Variants in NCKAP5 observed in about 807,000 individuals in gnomAD.
The protein encoded by NCKAP5 is nck-associated protein 5.
Under a neutral mutation model 167.0 loss-of-function variants are expected in NCKAP5, and 92 were observed. The ratio of observed to expected loss-of-function variants is 0.55; its 90% CI spans 0.47 to 0.66. NCKAP5 has a LOEUF of 0.66. Ranked by LOEUF, NCKAP5 falls within the 30% of genes least tolerant of loss-of-function variation. The probability of loss-of-function intolerance (pLI) is 0.00; values close to 1 mark genes in which losing one functional copy is unlikely to be tolerated. For synonymous variants in NCKAP5, 891 were observed against 877.4 expected, an observed-to-expected ratio of 1.02 and a Z score of -0.27; for missense variants, 2,378 against 2,315.0, an observed-to-expected ratio of 1.03 and a Z score of -0.56.
At chr2:133,499,810 G>A (rs1394564862) in intron 3 of NCKAP5, among the ~76,000 whole-genome samples, 4 of 152,060 alleles carry the variant, frequency 2.6e-5, no homozygotes, top group Non-Finnish European at 4.4e-5. Context: ...CGCCCACCTC[G>A]GCCTCCCAAA....
rs139222023 is a variant in NCKAP5 at position 133,372,329 on chromosome 2, C to T, written c.70-69219G>A. On this transcript the variant is annotated intron_variant, in intron 3 of 19. Coordinates refer to ENST00000409261, the MANE Select transcript of NCKAP5 (RefSeq NM_207363.3). ...TGTTGTGGAAAGACAGGTGGACCCA[C>T]TCTGGAAGCCCTCAAATGCTTGATT... Among the ~76,000 whole-genome samples the T allele has an allele frequency of 2.7e-3, 413 of 152,250 alleles. 1 individual carries two copies. Among genetic ancestry groups the T allele is most frequent in the African/African-American group, 9.6e-3 (400 of 41,542 alleles).
At chr2:132,851,585 C>G (rs2105484249) in intron 11 of NCKAP5, among the ~76,000 whole-genome samples, 1 of 152,276 alleles carries the variant, frequency 6.6e-6, no homozygotes, top group African/African-American at 2.4e-5. Flanking sequence ...CAGTTCTCTT[C>G]CCAAGGAGGC....
At chr2:132,714,372 T>C (rs1375001979) in intron 19 of NCKAP5, among the ~76,000 whole-genome samples, 1 of 152,204 alleles carries the variant, frequency 6.6e-6, no homozygotes. Flanking sequence ...ATTTAATACA[T>C]AATACTCAGA....
chr2:133,200,454 G>A (rs1466911739), intron 5 of NCKAP5, among the ~76,000 whole-genome samples: 1 of 151,938 alleles, frequency 6.6e-6, no homozygotes, highest in Non-Finnish European at 1.5e-5. Context: ...CATTCCTTAA[G>A]CCACACAAAA....
chr2:132,828,521 G>A (rs1330149237), intron 11 of NCKAP5, among the ~76,000 whole-genome samples: 2 of 152,066 alleles, frequency 1.3e-5, no homozygotes, highest in Non-Finnish European at 2.9e-5. Context: ...AGCTTCCTGA[G>A]GCCTCCCCAG....
intron 3 of NCKAP5, among the ~76,000 whole-genome samples, chr2:133,420,162 G>A (rs541079979): frequency 6.6e-6 from 1 of 152,304 alleles, no homozygotes; most frequent in Admixed American, 6.5e-5. Flanking sequence ...ACCCAAAAAT[G>A]TGTACATGAA....
intron 4 of NCKAP5, among the ~76,000 whole-genome samples, chr2:133,224,754 A>G (rs887944235): frequency 3.9e-5 from 6 of 152,168 alleles, no homozygotes; most frequent in African/African-American, 7.2e-5. Flanking sequence ...TCCTACCTAA[A>G]ATGTTTCTAA....
chr2:132,860,443 T>C, intron 11 of NCKAP5, 49 bp downstream of exon 11: 1 of 1,543,540 alleles, frequency 6.5e-7, no homozygotes, highest in African/African-American at 1.4e-5. Flanking sequence ...AGTAACTTCC[T>C]GTCAATAGCA....
At chr2:133,360,342 G>C (rs1361806180) in intron 3 of NCKAP5, among the ~76,000 whole-genome samples, 4 of 152,160 alleles carry the variant, frequency 2.6e-5, no homozygotes, top group Admixed American at 6.5e-5. Flanking sequence ...ATGTTTTCTA[G>C]GCAACTATTT....
intron 3 of NCKAP5, among the ~76,000 whole-genome samples, chr2:133,315,374 G>C (rs921583476): frequency 2.0e-5 from 3 of 152,146 alleles, no homozygotes; most frequent in African/African-American, 7.2e-5. Flanking sequence ...ATTTGATTTG[G>C]GGCCTGAGCA....
At chr2:132,702,044 G>T (rs1464034517) in intron 19 of NCKAP5, among the ~76,000 whole-genome samples, 1 of 152,114 alleles carries the variant, frequency 6.6e-6, no homozygotes, top group Admixed American at 6.6e-5. Context: ...GGTCTCACAT[G>T]GTCTCCAATT....
At chr2:132,720,839 T>C (rs1689846137) in intron 19 of NCKAP5, among the ~76,000 whole-genome samples, 1 of 151,586 alleles carries the variant, frequency 6.6e-6, no homozygotes, top group Non-Finnish European at 1.5e-5. Flanking sequence ...TGAAACTCCA[T>C]CTCTACCAAA....
At chr2:133,332,196 T>A (rs1682902642) in intron 3 of NCKAP5, among the ~76,000 whole-genome samples, 2 of 152,176 alleles carry the variant, frequency 1.3e-5, no homozygotes. Flanking sequence ...ATGGGCCCAA[T>A]ATAACATTTC....
At position 133,202,774 on chromosome 2, in the gene NCKAP5, C is replaced by A. The variant is rs187604335; in HGVS notation, c.207+10942G>T. On this transcript the variant is annotated intron_variant, in intron 5 of 19. Coordinates refer to ENST00000409261, the MANE Select transcript of NCKAP5 (RefSeq NM_207363.3). ...CAAAAGAAGACATTTATGCAGCCAA[C>A]AGACACATGAAAAAATGCTCATCAT... is the stretch of plus-strand genomic sequence containing the variant. Among the ~76,000 whole-genome samples the A allele has an allele frequency of 7.3e-4, 111 of 152,242 alleles. 1 individual carries two copies. In the East Asian group the frequency reaches 0.015, roughly 21 times the overall value.
intron 19 of NCKAP5, among the ~76,000 whole-genome samples, chr2:132,722,776 T>C (rs1040563532): frequency 1.3e-5 from 2 of 152,034 alleles, no homozygotes; most frequent in Non-Finnish European, 2.9e-5. Flanking sequence ...TGACCCTACG[T>C]TTTTTCCAGT....
chr2:132,912,807 C>T (rs112803306), intron 8 of NCKAP5, among the ~76,000 whole-genome samples: 2,167 of 152,248 alleles, frequency 0.014, 47 homozygotes, highest in Non-Finnish European at 0.018. Flanking sequence ...ATTGAGGCTT[C>T]CGTTTAAATC....
chr2:133,140,056 A>G (rs1423307434), intron 5 of NCKAP5, among the ~76,000 whole-genome samples: 8 of 152,132 alleles, frequency 5.3e-5, no homozygotes, highest in Admixed American at 3.3e-4. Flanking sequence ...CCTTTCATAA[A>G]AAGTCAATGA....
At chr2:133,523,681 T>C (rs970831849) in intron 2 of NCKAP5, among the ~76,000 whole-genome samples, 4 of 152,172 alleles carry the variant, frequency 2.6e-5, no homozygotes, top group African/African-American at 9.6e-5. Flanking sequence ...CAACAAACAA[T>C]GCAAAATATA....
chr2:132,874,103 ATTTTTTT>A (rs4057987), intron 9 of NCKAP5, among the ~76,000 whole-genome samples: 4 of 113,178 alleles, frequency 3.5e-5, no homozygotes, highest in Admixed American at 1.0e-4. Context: ...CAAGACCTTG[ATTTTTTT>A]TTTTTTTTTT....
Sources: allele counts gnomAD v4.1 joint callset (sites outside exome capture counted in the v4.1 genomes callset), GRCh38; gene constraint gnomAD v4.1.1; transcripts MANE v1.5; gene names NCBI Gene and HGNC (gene_info 2026-07-23, HGNC 2026-07-21).